Variants in PLXNA4 observed in about 807,000 individuals in gnomAD.
The protein encoded by PLXNA4 is plexin-A4.
A neutral mutation model predicts 191.8 loss-of-function variants in PLXNA4; 44 were observed. That is an observed-to-expected ratio of 0.23 (90% CI 0.18 to 0.29). The LOEUF is 0.29. Ranked by LOEUF, PLXNA4 falls within the 10% of genes least tolerant of loss-of-function variation. PLXNA4 has a pLI of 1.00. For synonymous variants in PLXNA4, 1,082 were observed against 1,009.5 expected (o/e 1.07, Z -1.36); for missense variants, 1,800 against 2,488.8 (o/e 0.72, Z 5.89).
At chr7:132,481,709 G>T (rs1293649989) in intron 3 of PLXNA4, among the ~76,000 whole-genome samples, 1 of 152,162 alleles carries the variant, frequency 6.6e-6, no homozygotes, top group Non-Finnish European at 1.5e-5. Context: ...GAGGCCAAAG[G>T]CAGAAGATAT....
At chr7:132,296,217 T>A (rs1801073255) in intron 4 of PLXNA4, among the ~76,000 whole-genome samples, 1 of 152,268 alleles carries the variant, frequency 6.6e-6, no homozygotes, top group South Asian at 2.1e-4. Flanking sequence ...TCCTTTCCAA[T>A]GTGCCCATAA....
intron 3 of PLXNA4, among the ~76,000 whole-genome samples, chr7:132,371,426 T>A (rs927705636): frequency 6.6e-6 from 1 of 152,210 alleles, no homozygotes; most frequent in Non-Finnish European, 1.5e-5. Context: ...ATCTCCCTAA[T>A]CTCAAATCAC....
intron 3 of PLXNA4, among the ~76,000 whole-genome samples, chr7:132,310,431 T>C (rs991889603): frequency 6.6e-6 from 1 of 152,210 alleles, no homozygotes; most frequent in African/African-American, 2.4e-5. Context: ...GCTTAATAGA[T>C]GTGTAGTAAA....
Position 132,381,320 on chromosome 7 carries a change from G to T in PLXNA4, c.1372-83098C>A, listed in dbSNP as rs138504435. Among the ~76,000 whole-genome samples the T allele has an allele frequency of 6.4e-3, 970 of 152,290 alleles. 7 individuals are homozygous for T. The highest frequency in any genetic ancestry group is 0.037 in the Middle Eastern group (11 of 294). On this transcript the variant is annotated intron_variant, in intron 3 of 31. Transcript: ENST00000321063. The stretch of plus-strand genomic sequence containing the variant: ...TAGATATGAGGTAGGGAGCAGAGGT[G>T]CATAGAACAATATTTTCCTAAATTG...
At chr7:132,561,841 TCTC>T (rs1418652261) in intron 1 of PLXNA4, among the ~76,000 whole-genome samples, 37 of 78,870 alleles carry the variant, frequency 4.7e-4, no homozygotes, top group African/African-American at 1.5e-3. Flanking sequence ...TCCGCCTCCT[TCTC>T]CTCCTCCTCC....
intron 4 of PLXNA4, among the ~76,000 whole-genome samples, chr7:132,246,105 A>C (rs937313676): frequency 3.9e-5 from 6 of 152,246 alleles, no homozygotes; most frequent in Admixed American, 6.5e-5. Context: ...TTACCACAAT[A>C]AAAGAGTTGA....
intron 1 of PLXNA4, among the ~76,000 whole-genome samples, chr7:132,562,481 C>A (rs540394275): frequency 4.6e-4 from 57 of 124,194 alleles, no homozygotes; most frequent in Non-Finnish European, 7.0e-4. Flanking sequence ...TCTCCTCCTC[C>A]TTCTCTTCCT....
chr7:132,506,849 G>T (rs1798483980), intron 2 of PLXNA4, among the ~76,000 whole-genome samples: 1 of 152,140 alleles, frequency 6.6e-6, no homozygotes, highest in Non-Finnish European at 1.5e-5. Flanking sequence ...TCTCTTCCAA[G>T]GCACTGTGCA....
chr7:132,503,076 T>C lies in PLXNA4; in HGVS notation c.1188+4430A>G, dbSNP rs1276484314. 2.0e-5 allele frequency among the ~76,000 whole-genome samples: 3 copies of C among 152,202 alleles called. No homozygotes were observed. The East Asian group carries it at 5.8e-4, about 29-fold the overall frequency. On this transcript the variant is annotated intron_variant, in intron 2 of 31. Coordinates refer to ENST00000321063, the MANE Select transcript of PLXNA4 (RefSeq NM_020911.2). Reference sequence around the variant, plus strand: ...GCCTAATCAGTACTATGGCCGAGACTATCTGACTCCCATACCCATGGCTCA... The same window carrying C: ...GCCTAATCAGTACTATGGCCGAGACCATCTGACTCCCATACCCATGGCTCA...
chr7:132,330,393 A>T (rs975244871), intron 3 of PLXNA4, among the ~76,000 whole-genome samples: 1 of 152,210 alleles, frequency 6.6e-6, no homozygotes, highest in Non-Finnish European at 1.5e-5. Flanking sequence ...CCTTTCCAGT[A>T]ATCACTGAGT....
At chr7:132,516,332 G>A (rs1213974655) in intron 1 of PLXNA4, among the ~76,000 whole-genome samples, 9 of 151,732 alleles carry the variant, frequency 5.9e-5, no homozygotes, top group East Asian at 5.8e-4. Flanking sequence ...GAGAAACTAC[G>A]TCTTTCGTAT....
intron 1 of PLXNA4, among the ~76,000 whole-genome samples, chr7:132,531,910 T>C (rs1203118191): frequency 6.6e-6 from 1 of 152,196 alleles, no homozygotes; most frequent in Non-Finnish European, 1.5e-5. Flanking sequence ...ACTTTGAGAA[T>C]CACTAATATA....
At chr7:132,413,947 C>G (rs1336150806) in intron 3 of PLXNA4, among the ~76,000 whole-genome samples, 1 of 152,218 alleles carries the variant, frequency 6.6e-6, no homozygotes, top group Admixed American at 6.5e-5. Flanking sequence ...ACTCCGCCAC[C>G]AGTCATACTC....
chr7:132,459,247 T>A (rs181010921), intron 3 of PLXNA4, among the ~76,000 whole-genome samples: 1 of 152,260 alleles, frequency 6.6e-6, no homozygotes, highest in Admixed American at 6.5e-5. Context: ...ACCCCTAATT[T>A]AAAAATTGCC....
At chr7:132,477,361 A>G (rs143533394) in intron 3 of PLXNA4, among the ~76,000 whole-genome samples, 2 of 152,300 alleles carry the variant, frequency 1.3e-5, no homozygotes, top group South Asian at 2.1e-4. Context: ...CAGTAGCTTT[A>G]ACAACCACGG....
chr7:132,436,362 T>C (rs1381920568), intron 3 of PLXNA4, among the ~76,000 whole-genome samples: 1 of 152,210 alleles, frequency 6.6e-6, no homozygotes, highest in East Asian at 1.9e-4. Flanking sequence ...GGTAAGGCCA[T>C]GGCAACGAAC....
intron 2 of PLXNA4, among the ~76,000 whole-genome samples, chr7:132,584,317 A>C (rs78164656): frequency 6.6e-6 from 1 of 152,336 alleles, no homozygotes; most frequent in African/African-American, 2.4e-5. Flanking sequence ...TTTGACACTA[A>C]AATCAAATTG....
intron 3 of PLXNA4, among the ~76,000 whole-genome samples, chr7:132,345,162 C>G (rs937123415): frequency 3.9e-5 from 6 of 152,106 alleles, no homozygotes; most frequent in African/African-American, 1.4e-4. Flanking sequence ...AAAATACAGG[C>G]AAAAATTCTA....
intron 1 of PLXNA4, among the ~76,000 whole-genome samples, chr7:132,529,771 AATTTTTTGT>A (rs1720520885): frequency 6.6e-6 from 1 of 151,878 alleles, no homozygotes; most frequent in South Asian, 2.1e-4. Flanking sequence ...ATGCCCGGCT[AATTTTTTGT>A]ATTTTTAGTA....
Sources: allele counts gnomAD v4.1 joint callset (sites outside exome capture counted in the v4.1 genomes callset), GRCh38; gene constraint gnomAD v4.1.1; transcripts MANE v1.5; gene names NCBI Gene and HGNC (gene_info 2026-07-23, HGNC 2026-07-21).